CSMD1: variants seen among roughly 807,000 people sequenced by gnomAD.
CSMD1 encodes CUB and sushi domain-containing protein 1.
Under a neutral mutation model 417.5 loss-of-function variants are expected in CSMD1, and 213 were observed. The observed-to-expected ratio is 0.51, with a 90% confidence interval of 0.46 to 0.57. The LOEUF (loss-of-function observed/expected upper bound fraction) is 0.57. Among genes scored for constraint, CSMD1 ranks in the 20% least tolerant of loss-of-function variants. The pLI is 0.00. For missense variants in CSMD1, 6,923 were observed against 4,529.7 expected (o/e 1.53, Z -15.17); for synonymous variants, 2,862 against 1,736.8 (o/e 1.65, Z -16.11).
chr8:3,925,353 T>G (rs1267246458), intron 5 of CSMD1, among the ~76,000 whole-genome samples: 2 of 152,170 alleles, frequency 1.3e-5, no homozygotes, highest in African/African-American at 2.4e-5. Context: ...CCTATTTTAA[T>G]TAGAAATATT....
chr8:3,241,540 C>T (rs1316095806), intron 26 of CSMD1, among the ~76,000 whole-genome samples: 2 of 152,104 alleles, frequency 1.3e-5, no homozygotes, highest in African/African-American at 2.4e-5. Context: ...GGCCAGAGTT[C>T]CAGGGGCTCT....
At chr8:4,419,147 G>C (rs933346742) in intron 3 of CSMD1, among the ~76,000 whole-genome samples, 1 of 152,158 alleles carries the variant, frequency 6.6e-6, no homozygotes, top group South Asian at 2.1e-4. Context: ...AGTGTGTGTT[G>C]TAAATAGGAA....
At position 4,505,821 on chromosome 8, in the gene CSMD1, G is replaced by A. The variant is rs76509970; in HGVS notation, c.303-85756C>T. ...CATGTTCAATATTTTTTTTTTTTTA[G>A]ATAGAGTCTCACTCTGTCACCCACA... On this transcript the variant is annotated intron_variant, in intron 2 of 69. Transcript: ENST00000635120. Among the ~76,000 whole-genome samples, 3 of 149,074 alleles carry A rather than the reference G, an allele frequency of 2.0e-5. No homozygotes were observed. The South Asian group carries it at 6.3e-4, about 31-fold the overall frequency.
At chr8:3,650,689 C>A (rs146505752) in intron 7 of CSMD1, among the ~76,000 whole-genome samples, 100 of 152,302 alleles carry the variant, frequency 6.6e-4, no homozygotes, top group African/African-American at 2.4e-3. Context: ...GGTAAATTAT[C>A]AATGCTGGCT....
intron 1 of CSMD1, among the ~76,000 whole-genome samples, chr8:4,909,215 G>C (rs764587579): frequency 3.9e-5 from 6 of 152,190 alleles, no homozygotes; most frequent in Non-Finnish European, 5.9e-5. Context: ...TGCTGTGGTA[G>C]TGAGGGATGG....
intron 7 of CSMD1, among the ~76,000 whole-genome samples, chr8:3,661,328 C>T (rs1022551053): frequency 1.2e-4 from 19 of 152,222 alleles, no homozygotes; most frequent in African/African-American, 2.9e-4. Context: ...CAAATGCCAA[C>T]CTGCAACCAA....
intron 10 of CSMD1, among the ~76,000 whole-genome samples, chr8:3,557,797 G>C (rs769316498): frequency 6.6e-5 from 10 of 152,134 alleles, no homozygotes; most frequent in Non-Finnish European, 1.2e-4. Context: ...TAGAGTCTTT[G>C]GTTGTTTCTA....
intron 4 of CSMD1, among the ~76,000 whole-genome samples, chr8:4,029,356 T>A (rs1350359738): frequency 6.6e-6 from 1 of 152,188 alleles, no homozygotes; most frequent in African/African-American, 2.4e-5. Flanking sequence ...AGAGGTTTGA[T>A]GGACATACAG....
chr8:3,533,466 A>C (rs1798063802), intron 10 of CSMD1, among the ~76,000 whole-genome samples: 1 of 152,148 alleles, frequency 6.6e-6, no homozygotes, highest in South Asian at 2.1e-4. Flanking sequence ...TTCCTCATGT[A>C]AGTGGAATCA....
At chr8:4,461,747 T>TA (rs1799839281) in intron 2 of CSMD1, among the ~76,000 whole-genome samples, 4 of 136,248 alleles carry the variant, frequency 2.9e-5, no homozygotes, top group African/African-American at 1.1e-4. Context: ...ACTTATTTTT[T>TA]TTTTTTTTTT....
At chr8:4,953,052 C>T (rs541654742) in intron 1 of CSMD1, among the ~76,000 whole-genome samples, 1 of 88,056 alleles carries the variant, frequency 1.1e-5, no homozygotes, top group African/African-American at 4.0e-5. Flanking sequence ...AATACGTGAG[C>T]AGATGTTAAG....
At chr8:4,469,341 G>A (rs898312585) in intron 2 of CSMD1, among the ~76,000 whole-genome samples, 1 of 152,156 alleles carries the variant, frequency 6.6e-6, no homozygotes, top group Non-Finnish European at 1.5e-5. Flanking sequence ...GAAAAGTCTT[G>A]TTATTTTACC....
intron 7 of CSMD1, among the ~76,000 whole-genome samples, chr8:3,662,561 T>G (rs1337330741): frequency 6.6e-6 from 1 of 152,220 alleles, no homozygotes; most frequent in Non-Finnish European, 1.5e-5. Context: ...TACCCAGTAA[T>G]GGGATCGCTA....
At position 3,090,970 on chromosome 8, in the gene CSMD1, T is replaced by G. The variant is rs1415060547; in HGVS notation, c.7285+546A>C. ...TAAATCACTGCTGGCAGAGAATGAT[T>G]ACAGTATATAAAGGGCAAAATAATT... On this transcript the variant is annotated intron_variant, in intron 48 of 69. Coordinates refer to ENST00000635120, the MANE Select transcript of CSMD1 (RefSeq NM_033225.6). Among the ~76,000 whole-genome samples, 4 of 152,162 alleles carry G rather than the reference T, an allele frequency of 2.6e-5. No homozygotes were observed. In the South Asian group the frequency reaches 8.3e-4, roughly 31 times the overall value.
intron 12 of CSMD1, among the ~76,000 whole-genome samples, chr8:3,412,998 G>C (rs972956073): frequency 2.0e-5 from 3 of 152,176 alleles, no homozygotes; most frequent in African/African-American, 7.2e-5. Flanking sequence ...ACCACATTTG[G>C]TTTTGAATCC....
intron 2 of CSMD1, among the ~76,000 whole-genome samples, chr8:4,623,542 C>G (rs895543747): frequency 1.3e-5 from 2 of 151,640 alleles, no homozygotes; most frequent in African/African-American, 2.4e-5. Flanking sequence ...ATCAAAGGAG[C>G]TTTATTTCTA....
chr8:3,399,001 C>T (rs1447978155), intron 16 of CSMD1, among the ~76,000 whole-genome samples: 1 of 152,168 alleles, frequency 6.6e-6, no homozygotes, highest in African/African-American at 2.4e-5. Flanking sequence ...CAGCCACCAC[C>T]AGAACAGGAG....
At chr8:4,308,178 CTG>C (rs1798352965) in intron 3 of CSMD1, among the ~76,000 whole-genome samples, 1 of 152,148 alleles carries the variant, frequency 6.6e-6, no homozygotes, top group East Asian at 1.9e-4. Context: ...CTCAATATCT[CTG>C]TGAGTTAGGA....
chr8:3,977,810 T>C (rs377600885), intron 5 of CSMD1, among the ~76,000 whole-genome samples: 2 of 152,188 alleles, frequency 1.3e-5, no homozygotes, highest in South Asian at 4.1e-4. Context: ...CCTATTTCCT[T>C]ATATGATTCT....
Sources: gnomAD v4.1 joint callset for allele counts (sites outside exome capture counted in the v4.1 genomes callset) on GRCh38, gnomAD v4.1.1 for gene constraint, MANE v1.5 for transcripts, NCBI Gene and HGNC (gene_info 2026-07-23, HGNC 2026-07-21) for gene names.